HEPACAM: variants seen among roughly 807,000 people sequenced by gnomAD.
The protein encoded by HEPACAM is hepatic and glial cell adhesion molecule.
A neutral mutation model predicts 38.3 loss-of-function variants in HEPACAM; 18 were observed. The ratio of observed to expected loss-of-function variants is 0.47; its 90% CI spans 0.33 to 0.70. The LOEUF is 0.70. Among genes scored for constraint, HEPACAM ranks in the 30% least tolerant of loss-of-function variants. HEPACAM has a pLI of 0.03. For synonymous variants in HEPACAM, 216 were observed against 243.1 expected, an observed-to-expected ratio of 0.89 and a Z score of 1.04; for missense variants, 466 against 563.0, an observed-to-expected ratio of 0.83 and a Z score of 1.74.
At chr11:124,923,632 C>A (rs1048247175) in intron 3 of HEPACAM, 97 bp downstream of exon 3, 10 of 1,473,278 alleles carry the variant, frequency 6.8e-6, no homozygotes, top group East Asian at 4.5e-5. Context: ...CTGTTCCCCT[C>A]CCCCCAGTGA....
intron 1 of HEPACAM, among the ~76,000 whole-genome samples, 165 bp downstream of exon 1, chr11:124,935,757 A>G (rs148745510): frequency 1.6e-4 from 25 of 152,322 alleles, no homozygotes; most frequent in Non-Finnish European, 2.6e-4. Flanking sequence ...AAATAAAGAA[A>G]TACGTTCAAC....
chr11:124,923,264 A>G lies in HEPACAM; in HGVS notation c.803+76T>C, dbSNP rs918420600. 1.2e-5 allele frequency: 12 copies of G among 973,234 alleles called. No individual in the cohort carries two copies. The African/African-American group carries it at 1.9e-4, about 15-fold the overall frequency. The allele number at this position is 973,234 out of a possible 1,614,324, so 60.3% of individuals were successfully genotyped here. On this transcript the variant is annotated intron_variant, in intron 4 of 6. Transcript: ENST00000298251. Reference sequence around the variant, plus strand: ...AAACCCTGGGAGGAAAGGCATTTAAAGAGACTTAAGAAAATAATGGGGCTT... The same window carrying G: ...AAACCCTGGGAGGAAAGGCATTTAAGGAGACTTAAGAAAATAATGGGGCTT...
chr11:124,922,202 T>G (rs894952194), intron 6 of HEPACAM, among the ~76,000 whole-genome samples, 186 bp downstream of exon 6: 1 of 152,168 alleles, frequency 6.6e-6, no homozygotes, highest in African/African-American at 2.4e-5. Flanking sequence ...AGTGGAACAG[T>G]TTCATCCTGA....
intron 3 of HEPACAM, 43 bp downstream of exon 3, chr11:124,923,671 ATGGTCACCTGCCTCT>A: frequency 6.2e-7 from 1 of 1,602,378 alleles, no homozygotes. Context: ...TCAGTCCCTC[ATGGTCACCTGCCTCT>A]TGGGGCTTTG....
intron 1 of HEPACAM, among the ~76,000 whole-genome samples, chr11:124,931,912 A>G (rs1402620855): frequency 6.6e-6 from 1 of 152,266 alleles, no homozygotes. Flanking sequence ...AATACTATAC[A>G]GCAGTGAGAC....
At chr11:124,935,824 C>T in intron 1 of HEPACAM, 98 bp downstream of exon 1, 1 of 985,466 alleles carries the variant, frequency 1.0e-6, no homozygotes, top group Admixed American at 1.9e-5. Flanking sequence ...TCCCCCACTC[C>T]TGCCCCAAAG....
intron 5 of HEPACAM, 65 bp downstream of exon 5, chr11:124,922,680 C>G: frequency 6.2e-7 from 1 of 1,614,178 alleles, no homozygotes; most frequent in East Asian, 2.2e-5. Context: ...CCAGTTCTGC[C>G]TTTTCCCAGC....
chr11:124,923,774 G>A lies in HEPACAM; in HGVS notation c.664C>T (p.Pro222Ser), dbSNP rs776345585. The A allele has an allele frequency of 9.3e-6, 15 of 1,614,198 alleles. No homozygotes were observed. Among genetic ancestry groups the A allele is most frequent in the Non-Finnish European group, 1.3e-5 (15 of 1,180,038 alleles). ...DDLYSCMVEN[P>S]ISQGRSLPVK... is the part of the protein sequence containing the mutation. ...GGCAGGCTGCGGCCCTGGCTGATGG[G>A]GTTCTCCACCATGCAGCTGTACAGG... Residue 222 changes from proline to serine, a missense_variant, in exon 3 of 7, where the codon CCC becomes TCC. Physicochemically the swap from Pro to Ser is moderately conservative, Grantham distance 74 (BLOSUM62 -1). Coordinates refer to ENST00000298251, the MANE Select transcript of HEPACAM (RefSeq NM_152722.5).
At position 124,924,023 on chromosome 11, in the gene HEPACAM, A is replaced by G. The variant is rs1591548973; in HGVS notation, c.428-13T>C. The G allele has an allele frequency of 6.2e-7, 1 of 1,602,516 alleles. No individual in the cohort carries two copies. Among genetic ancestry groups the G allele is most frequent in the Middle Eastern group, 1.8e-4 (1 of 5,546 alleles). On this transcript the variant is annotated splice_polypyrimidine_tract_variant and intron_variant, in intron 2 of 6. Transcript: ENST00000298251. The surrounding 1 kb of genome is among the most constrained non-coding windows in gnomAD (Gnocchi z 4.4). Reference sequence around the variant, plus strand: ...CTCGAAATGGGCACTGAGCCGCAGGAATGGGGGAGCCTGTAAGTCATTGGC... The same window carrying G: ...CTCGAAATGGGCACTGAGCCGCAGGGATGGGGGAGCCTGTAAGTCATTGGC...
In HEPACAM at chr11:124,924,112, C is replaced by G; in HGVS notation, c.428-102G>C. 1 of 1,112,510 alleles carries G rather than the reference C, an allele frequency of 9.0e-7. No homozygotes were observed. Among genetic ancestry groups the G allele is most frequent in the Non-Finnish European group, 1.3e-6 (1 of 762,560 alleles). 68.9% of individuals were successfully genotyped at this position (1,112,510 alleles called of 1,614,324 possible). ...TCCAACACACCTTTAACACTACCTT[C>G]CAACTCAATCTGTGGGCTGAGAAGA... On this transcript the variant is annotated intron_variant, in intron 2 of 6. Coordinates refer to ENST00000298251, the MANE Select transcript of HEPACAM (RefSeq NM_152722.5). The surrounding 1 kb of genome is among the most constrained non-coding windows in gnomAD (Gnocchi z 4.4).
chr11:124,929,283 T>A (rs1294618069), intron 1 of HEPACAM, among the ~76,000 whole-genome samples: 1 of 152,152 alleles, frequency 6.6e-6, no homozygotes, highest in African/African-American at 2.4e-5. Flanking sequence ...TCTAGATAAG[T>A]CCCCTCATCA....
At position 124,920,695 on chromosome 11, in the gene HEPACAM, A is replaced by G; in HGVS notation, c.*443T>C. On this transcript the variant is annotated 3_prime_UTR_variant, in exon 7 of 7. Transcript: ENST00000298251. Reference sequence around the variant, plus strand: ...TGAACTTGCAAAAAAAAAAAAAAAAAAAAAAAAAAAAAAAGTGCCCCAGCA... The same window carrying G: ...TGAACTTGCAAAAAAAAAAAAAAAAGAAAAAAAAAAAAAAGTGCCCCAGCA... The G allele has an allele frequency of 9.7e-7, 1 of 1,026,304 alleles. No homozygotes were observed. Among genetic ancestry groups the G allele is most frequent in the Non-Finnish European group, 1.2e-6 (1 of 852,898 alleles). 63.6% of individuals were successfully genotyped at this position (1,026,304 alleles called of 1,614,324 possible).
chr11:124,934,510 T>C (rs1272462203), intron 1 of HEPACAM, among the ~76,000 whole-genome samples: 1 of 150,884 alleles, frequency 6.6e-6, no homozygotes, highest in East Asian at 1.9e-4. Flanking sequence ...AATGTGGACA[T>C]AGACATGCAA....
rs1188170508 is a variant in HEPACAM, at chr11:124,927,183, TCCA to T, written c.86-2117_86-2115del. 1.6e-4 allele frequency among the ~76,000 whole-genome samples: 24 copies of T among 152,096 alleles called. 1 individual carries two copies. The South Asian group carries it at 3.9e-3, about 25-fold the overall frequency. On this transcript the variant is annotated intron_variant, in intron 1 of 6. Transcript: ENST00000298251. ...CTGCGTGGTTACTAAACATATTAGA[TCCA>T]TTTTTGGAAAAAGTGCTTTGCTAAG...
intron 1 of HEPACAM, among the ~76,000 whole-genome samples, chr11:124,933,466 C>T (rs565257255): frequency 4.6e-5 from 7 of 152,304 alleles, no homozygotes; most frequent in Non-Finnish European, 8.8e-5. Flanking sequence ...CCACCGCTCC[C>T]GGCCACATTT....
chr11:124,928,581 A>C (rs1947246067), intron 1 of HEPACAM, among the ~76,000 whole-genome samples: 1 of 152,194 alleles, frequency 6.6e-6, no homozygotes, highest in Admixed American at 6.5e-5. Flanking sequence ...GGGAAAATCA[A>C]GCTGGGCACT....
In HEPACAM at chr11:124,924,774, G is replaced by A. The variant is rs766390439; in HGVS notation, c.381C>T (p.Thr127=). 6.2e-6 allele frequency: 10 copies of A among 1,613,986 alleles called. No homozygotes were observed. The highest frequency in any genetic ancestry group is 1.6e-4 in the Middle Eastern group (1 of 6,082). Residue 127 remains threonine, a synonymous_variant, in exon 2 of 7, where the codon ACC becomes ACT. Coordinates refer to ENST00000298251, the MANE Select transcript of HEPACAM (RefSeq NM_152722.5). The surrounding 1 kb of genome is among the most constrained non-coding windows in gnomAD (Gnocchi z 4.4). ...EGTYEVEISI[T]DDTFTGEKTI... ...TCTTCTCCCCAGTGAAGGTGTCGTC[G>A]GTGATGGAGATCTCGACCTCATAGG...
rs1441207124 is a variant in HEPACAM, at chr11:124,925,071, T to C, written c.86-2A>G. 1.9e-6 allele frequency: 3 copies of C among 1,580,254 alleles called. No individual in the cohort carries two copies. Among genetic ancestry groups the C allele is most frequent in the Non-Finnish European group, 2.6e-6 (3 of 1,160,704 alleles). Reference sequence around the variant, plus strand: ...TGATGTTCACCCCCTCCAGGGGGTCTGTGAACAGAGGCCCATGAGGAAGAG... The same window carrying C: ...TGATGTTCACCCCCTCCAGGGGGTCCGTGAACAGAGGCCCATGAGGAAGAG... On this transcript the variant is annotated splice_acceptor_variant, in intron 1 of 6. Coordinates refer to ENST00000298251, the MANE Select transcript of HEPACAM (RefSeq NM_152722.5). LOFTEE classifies it high-confidence loss of function.
Position 124,923,936 on chromosome 11 carries a change from A to G in HEPACAM, c.502T>C (p.Cys168Arg). 1.9e-6 allele frequency: 3 copies of G among 1,613,084 alleles called. No individual in the cohort carries two copies. Among genetic ancestry groups the G allele is most frequent in the Non-Finnish European group, 2.5e-6 (3 of 1,180,016 alleles). Residue 168 changes from cysteine to arginine, a missense_variant, in exon 3 of 7, where the codon TGC becomes CGC. Coordinates refer to ENST00000298251, the MANE Select transcript of HEPACAM (RefSeq NM_152722.5). The stretch of plus-strand genomic sequence containing the variant: ...GGCTTGGTGCCATTCTCATGTGAGC[A>G]GTTCAAGGTGAAGGCCTCGCTGAGC... ...LELSEAFTLN[C>R]SHENGTKPSY...
Sources: allele counts gnomAD v4.1 joint callset (sites outside exome capture counted in the v4.1 genomes callset), GRCh38; gene constraint gnomAD v4.1.1; non-coding constraint Gnocchi (gnomAD v3.1); transcripts MANE v1.5; gene names NCBI Gene and HGNC (gene_info 2026-07-23, HGNC 2026-07-21).